ZNF44: variants seen among roughly 807,000 people sequenced by gnomAD.
ZNF44 encodes the protein zinc finger protein 44, also known as gonadotropin inducible transcription repressor-2.
Under a neutral mutation model 11.7 loss-of-function variants are expected in ZNF44, and 9 were observed. That is an observed-to-expected ratio of 0.77 (90% CI 0.46 to 1.35). The LOEUF is 1.35. Among genes scored for constraint, ZNF44 ranks in the 40% most tolerant of loss-of-function variants. The probability of loss-of-function intolerance (pLI) is 0.00; values close to 1 mark genes in which losing one functional copy is unlikely to be tolerated. For synonymous variants in ZNF44, 224 were observed against 242.7 expected (o/e 0.92, Z 0.72); for missense variants, 696 against 743.1 (o/e 0.94, Z 0.74).
At chr19:12,278,728 GA>G (rs34953684) in intron 1 of ZNF44, among the ~76,000 whole-genome samples, 27,137 of 143,410 alleles carry the variant, frequency 0.19, 2,495 homozygotes, top group East Asian at 0.28. Flanking sequence ...CTATTTCAAG[GA>G]AAAAAAAAAA....
downstream of ZNF44, among the ~76,000 whole-genome samples, chr19:12,243,390 G>T (rs754356091): frequency 6.6e-6 from 1 of 152,030 alleles, no homozygotes; most frequent in Non-Finnish European, 1.5e-5. Flanking sequence ...CCTCTGCCTC[G>T]GAGTTTAAGT....
chr19:12,284,911 G>C lies in ZNF44; in HGVS notation c.4-8829C>G, dbSNP rs981654456. ...CTCATCCCCGCACCCAGGGACACTG[G>C]CATCGTCTCAGCGCCTGTGCCCAAG... On this transcript the variant is annotated intron_variant, in intron 1 of 3. Coordinates refer to ENST00000355684, the MANE Select transcript of ZNF44 (RefSeq NM_016264.4). The C allele has an allele frequency of 3.5e-5, 25 of 718,660 alleles. No homozygotes were observed. In the African/African-American group the frequency reaches 4.0e-4, roughly 11 times the overall value. 44.5% of individuals were successfully genotyped at this position (718,660 alleles called of 1,614,324 possible).
chr19:12,247,795 G>A, exon 8 of ZNF44: 1 of 1,302,054 alleles, frequency 7.7e-7, no homozygotes, highest in Non-Finnish European at 1.0e-6. Flanking sequence ...TCTCCAGTGT[G>A]AGTACTTTCA....
exon 7 of ZNF44, chr19:12,249,989 C>A: frequency 7.8e-7 from 1 of 1,286,244 alleles, no homozygotes. Flanking sequence ...TGAGATTTCT[C>A]CCCTGGTTTT....
intron 2 of ZNF44, among the ~76,000 whole-genome samples, chr19:12,233,931 G>A (rs1286892701): frequency 2.0e-5 from 3 of 152,022 alleles, no homozygotes; most frequent in African/African-American, 4.8e-5. Flanking sequence ...GCATGGTGGC[G>A]GGCACCTGTA....
At chr19:12,249,369 G>T (rs1054221021) in intron 7 of ZNF44, among the ~76,000 whole-genome samples, 1 of 150,998 alleles carries the variant, frequency 6.6e-6, no homozygotes, top group East Asian at 2.1e-4. Flanking sequence ...AGCCGGGCGT[G>T]GTGGTGGGCG....
At chr19:12,289,346 T>G (rs1055550862) in intron 1 of ZNF44, among the ~76,000 whole-genome samples, 3 of 151,940 alleles carry the variant, frequency 2.0e-5, no homozygotes, top group African/African-American at 7.3e-5. Context: ...GAAAGGAAAC[T>G]ATTTAAGTTT....
At chr19:12,247,190 C>G, downstream of ZNF44, 3 of 725,312 alleles carry the variant, frequency 4.1e-6, no homozygotes, top group Non-Finnish European at 5.6e-6. Context: ...TACTTACATT[C>G]ATGCAACTAC....
intron 2 of ZNF44, among the ~76,000 whole-genome samples, chr19:12,275,571 G>A (rs558224572): frequency 3.3e-5 from 5 of 152,188 alleles, no homozygotes; most frequent in East Asian, 1.9e-4. Flanking sequence ...GTGTGAACCC[G>A]GGAGGCGGAG....
chr19:12,288,774 G>GTATATGTATATA (rs1413658227), intron 1 of ZNF44, among the ~76,000 whole-genome samples: 1,654 of 76,824 alleles, frequency 0.022, 54 homozygotes, highest in Non-Finnish European at 0.029. Context: ...AAAAAAAAAT[G>GTATATGTATATA]TATATATATA....
chr19:12,226,158 A>C (rs188874915), downstream of ZNF44: 11 of 152,328 alleles, frequency 7.2e-5, no homozygotes, highest in Admixed American at 7.2e-4. Flanking sequence ...CATACAGTGG[A>C]GCAAGAATAA....
intron 1 of ZNF44, chr19:12,276,297 TATCTC>T (rs1967217439): frequency 1.6e-6 from 1 of 636,026 alleles, no homozygotes; most frequent in Admixed American, 2.2e-5. Context: ...AGTAGGAACA[TATCTC>T]TTATTGGTGA....
intron 1 of ZNF44, chr19:12,293,514 T>C (rs1056368900): frequency 1.4e-6 from 1 of 725,106 alleles, no homozygotes; most frequent in South Asian, 2.7e-5. Flanking sequence ...ATTCTCTTCT[T>C]CCTCACATGT....
Position 12,294,849 on chromosome 19 carries a change from G to T in ZNF44, c.-155C>A, listed in dbSNP as rs1283336715. Reference sequence around the variant, plus strand: ...TGAAGAGGCCACTAGCTCCTGGAACGTCACACCCTCCTCTCTGCCTCGCGC... The same window carrying T: ...TGAAGAGGCCACTAGCTCCTGGAACTTCACACCCTCCTCTCTGCCTCGCGC... On this transcript the variant is annotated 5_prime_UTR_variant, in exon 1 of 4. Coordinates refer to ENST00000355684, the MANE Select transcript of ZNF44 (RefSeq NM_016264.4). 3 of 802,844 alleles carry T rather than the reference G, an allele frequency of 3.7e-6. No individual in the cohort carries two copies. Among genetic ancestry groups the T allele is most frequent in the African/African-American group, 1.9e-5 (1 of 53,894 alleles). The allele number at this position is 802,844 out of a possible 1,614,324, so 49.7% of individuals were successfully genotyped here.
chr19:12,232,045 C>T (rs1365025908), intron 2 of ZNF44, among the ~76,000 whole-genome samples: 2 of 152,204 alleles, frequency 1.3e-5, no homozygotes, highest in Non-Finnish European at 1.5e-5. Flanking sequence ...GATGTGTCAG[C>T]GTCACAAGAC....
At position 12,248,335 on chromosome 19, in the gene ZNF44, T is replaced by C. The variant is rs367946637; in HGVS notation, c.*530A>G. On this transcript the variant is annotated 3_prime_UTR_variant and NMD_transcript_variant, in exon 8 of 8. Transcript: ENST00000393337. ...TGTATTTGGAAAGAACGTTGACAAC[T>C]GAAGGCTTTCCCACAGGCCTTACAT... is the stretch of plus-strand genomic sequence containing the variant. The C allele has an allele frequency of 2.2e-3, 2,811 of 1,293,520 alleles. 83 individuals carry two copies. In the South Asian group the frequency reaches 0.031, roughly 14 times the overall value. 80.1% of individuals were successfully genotyped at this position (1,293,520 alleles called of 1,614,324 possible).
chr19:12,292,854 G>GGTT (rs1339046879), intron 1 of ZNF44, among the ~76,000 whole-genome samples: 2 of 94,068 alleles, frequency 2.1e-5, no homozygotes, highest in Admixed American at 1.3e-4. Context: ...CCAGAGGTTA[G>GGTT]GTTTTTTTTT....
At chr19:12,290,857 T>C (rs1967981997) in intron 1 of ZNF44, among the ~76,000 whole-genome samples, 1 of 152,224 alleles carries the variant, frequency 6.6e-6, no homozygotes, top group Admixed American at 6.5e-5. Context: ...AGGCTCAAAA[T>C]TGGCCTCCAC....
At chr19:12,285,743 G>A (rs1168748412) in intron 1 of ZNF44, among the ~76,000 whole-genome samples, 2 of 152,078 alleles carry the variant, frequency 1.3e-5, no homozygotes, top group African/African-American at 4.8e-5. Flanking sequence ...TCCTGGCCAG[G>A]CGCGGTGGCT....
Sources: gnomAD v4.1 joint callset for allele counts (sites outside exome capture counted in the v4.1 genomes callset) on GRCh38, gnomAD v4.1.1 for gene constraint, MANE v1.5 for transcripts, NCBI Gene and HGNC (gene_info 2026-07-23, HGNC 2026-07-21) for gene names.